Variants in NALCN observed in about 807,000 individuals in gnomAD.
NALCN encodes sodium leak channel NALCN.
Under a neutral mutation model 225.3 loss-of-function variants are expected in NALCN, and 111 were observed. The observed-to-expected ratio is 0.49, with a 90% CI of 0.42 to 0.58. NALCN has a LOEUF of 0.58. Ranked by LOEUF, NALCN falls within the 20% of genes least tolerant of loss-of-function variation. The pLI is 0.00. For synonymous variants in NALCN, 764 were observed against 769.0 expected (o/e 0.99, Z 0.11); for missense variants, 1,378 against 2,202.4 (o/e 0.63, Z 7.49).
chr13:101,281,242 T>G (rs975224723), intron 10 of NALCN, among the ~76,000 whole-genome samples: 4 of 152,186 alleles, frequency 2.6e-5, no homozygotes, highest in African/African-American at 4.8e-5. Flanking sequence ...CATTGCATCT[T>G]GCATTACTTC....
chr13:101,329,668 T>C (rs992235164), intron 7 of NALCN, among the ~76,000 whole-genome samples: 6 of 152,172 alleles, frequency 3.9e-5, no homozygotes, highest in African/African-American at 1.4e-4. Context: ...AGTATAAAAA[T>C]ACATTTAGAA....
Position 101,403,262 on chromosome 13 carries a change from G to A in NALCN, c.-39-4097C>T, listed in dbSNP as rs146011078. ...ATATGAAGGCATTCTTGAAGCTTAC[G>A]AACTGCCTACTTTATTTAACCTTAT... On this transcript the variant is annotated intron_variant, in intron 1 of 43. Transcript: ENST00000251127. Among the ~76,000 whole-genome samples the A allele has an allele frequency of 3.8e-3, 577 of 152,224 alleles. 5 individuals carry two copies. The highest frequency in any genetic ancestry group is 0.013 in the African/African-American group (538 of 41,520).
chr13:101,073,513 G>T, intron 37 of NALCN, 71 bp downstream of exon 37: 1 of 1,280,836 alleles, frequency 7.8e-7, no homozygotes, highest in Non-Finnish European at 1.1e-6. Flanking sequence ...GGATGATCCT[G>T]CCAACATTGT....
chr13:101,206,353 C>A (rs993642070), intron 13 of NALCN, among the ~76,000 whole-genome samples: 10 of 151,998 alleles, frequency 6.6e-5, no homozygotes, highest in Admixed American at 5.2e-4. Flanking sequence ...CAAAGCCACA[C>A]TTCTAATAGT....
chr13:101,092,979 C>T (rs1238087508), intron 28 of NALCN, among the ~76,000 whole-genome samples: 1 of 152,038 alleles, frequency 6.6e-6, no homozygotes, highest in East Asian at 1.9e-4. Flanking sequence ...GGGTAGGGGC[C>T]ATCGCTTATT....
At chr13:101,312,585 A>T (rs2044387664) in intron 7 of NALCN, among the ~76,000 whole-genome samples, 2 of 152,024 alleles carry the variant, frequency 1.3e-5, no homozygotes, top group African/African-American at 4.8e-5. Context: ...GGTTTCAAAG[A>T]ACATCTTTAT....
intron 7 of NALCN, among the ~76,000 whole-genome samples, chr13:101,331,063 G>A (rs576873809): frequency 9.6e-4 from 146 of 152,100 alleles, no homozygotes; most frequent in Non-Finnish European, 1.6e-3. Context: ...AGTAACACGA[G>A]TATCAGTAAG....
intron 7 of NALCN, among the ~76,000 whole-genome samples, chr13:101,296,978 T>G (rs1357737671): frequency 4.6e-5 from 7 of 152,236 alleles, no homozygotes; most frequent in African/African-American, 1.7e-4. Flanking sequence ...AGGATATTTT[T>G]TATAGCTCTG....
At chr13:101,100,423 C>A (rs183923468) in intron 27 of NALCN, among the ~76,000 whole-genome samples, 1 of 152,256 alleles carries the variant, frequency 6.6e-6, no homozygotes, top group East Asian at 1.9e-4. Context: ...TGCTTTTCAT[C>A]TTATTAACCT....
At chr13:101,124,523 C>T (rs1025881859) in intron 18 of NALCN, 85 bp downstream of exon 18, 12 of 1,167,140 alleles carry the variant, frequency 1.0e-5, no homozygotes, top group Non-Finnish European at 1.4e-5. Context: ...ATGCCCAGAA[C>T]ATTAATTCAT....
chr13:101,055,560 T>A (rs2037009256), intron 43 of NALCN, 72 bp from the exon 44 acceptor site: 1 of 1,331,610 alleles, frequency 7.5e-7, no homozygotes, highest in Non-Finnish European at 1.0e-6. Flanking sequence ...TAAAAACCCA[T>A]GATATTCCCA....
chr13:101,227,549 G>T (rs919217553), intron 13 of NALCN, among the ~76,000 whole-genome samples: 6 of 152,174 alleles, frequency 3.9e-5, no homozygotes, highest in African/African-American at 1.4e-4. Flanking sequence ...TCCATGTGGA[G>T]GTTGCTGGGG....
intron 6 of NALCN, among the ~76,000 whole-genome samples, chr13:101,363,519 A>C (rs112745795): frequency 0.049 from 7,400 of 152,192 alleles, 603 homozygotes; most frequent in African/African-American, 0.17. Flanking sequence ...GCTGGGAAAA[A>C]TGGATATCCA....
At chr13:101,413,806 G>A (rs1220918264) in intron 1 of NALCN, among the ~76,000 whole-genome samples, 1 of 152,152 alleles carries the variant, frequency 6.6e-6, no homozygotes, top group Admixed American at 6.5e-5. Context: ...AATCTGTGCT[G>A]GTCCTTGAGA....
chr13:101,264,023 T>C (rs907816119), intron 10 of NALCN, among the ~76,000 whole-genome samples: 1 of 152,144 alleles, frequency 6.6e-6, no homozygotes, highest in Non-Finnish European at 1.5e-5. Context: ...TATTTTCTAA[T>C]AAAAATTAAT....
intron 42 of NALCN, chr13:101,058,416 CTGGGCG>C: frequency 5.3e-6 from 1 of 188,630 alleles, no homozygotes; most frequent in Non-Finnish European, 1.1e-5. Context: ...TGGGGACGGG[CTGGGCG>C]GGGGCAGTCT....
intron 37 of NALCN, among the ~76,000 whole-genome samples, chr13:101,070,262 T>A (rs2032773284): frequency 6.6e-6 from 1 of 152,016 alleles, no homozygotes; most frequent in Non-Finnish European, 1.5e-5. Context: ...CAGACAAGGT[T>A]TCACCATGTT....
At chr13:101,417,117 C>A (rs2047967395), upstream of NALCN, among the ~76,000 whole-genome samples, 1 of 152,096 alleles carries the variant, frequency 6.6e-6, no homozygotes, top group Non-Finnish European at 1.5e-5. Context: ...GTGAGTATAC[C>A]TGGACAGCAG....
chr13:101,192,448 C>T (rs1434256401), intron 13 of NALCN, among the ~76,000 whole-genome samples: 1 of 151,976 alleles, frequency 6.6e-6, no homozygotes, highest in Non-Finnish European at 1.5e-5. Context: ...TAGTGAATTA[C>T]ACTTGTCTAA....
Sources: gnomAD v4.1 joint callset for allele counts (sites outside exome capture counted in the v4.1 genomes callset) on GRCh38, gnomAD v4.1.1 for gene constraint, MANE v1.5 for transcripts, NCBI Gene and HGNC (gene_info 2026-07-23, HGNC 2026-07-21) for gene names.